Variants in CERS6 observed in about 807,000 individuals in gnomAD.
CERS6 encodes the protein LAG1 homolog, ceramide synthase 6.
A neutral mutation model predicts 56.8 loss-of-function variants in CERS6; 26 were observed. The observed-to-expected ratio is 0.46, with a 90% CI of 0.34 to 0.63. The LOEUF (loss-of-function observed/expected upper bound fraction) is 0.63. Among genes scored for constraint, CERS6 ranks in the 30% least tolerant of loss-of-function variants. The pLI, the probability that CERS6 is intolerant of heterozygous loss-of-function variation, is 0.01. For missense variants in CERS6, 415 were observed against 467.5 expected (o/e 0.89, Z 1.04); for synonymous variants, 164 against 173.3 (o/e 0.95, Z 0.42).
At chr2:168,531,950 A>G (rs1695176463) in intron 1 of CERS6, among the ~76,000 whole-genome samples, 1 of 152,210 alleles carries the variant, frequency 6.6e-6, no homozygotes, top group Non-Finnish European at 1.5e-5. Flanking sequence ...TTTGGGCTCC[A>G]TTGTGAGAGG....
rs1229084923 is a variant in CERS6 at position 168,770,538 on chromosome 2, G to A, written c.*876G>A. The stretch of plus-strand genomic sequence containing the variant: ...TGGGAATAACATAAAGAGAGCAACT[G>A]ATTTCAGCCAGGTTTTGCCACTACC... On this transcript the variant is annotated 3_prime_UTR_variant, in exon 10 of 10. Transcript: ENST00000305747. 3.3e-5 allele frequency: 5 copies of A among 152,622 alleles called. No individual in the cohort carries two copies. Among genetic ancestry groups the A allele is most frequent in the Admixed American group, 6.5e-5 (1 of 15,280 alleles). The allele number at this position is 152,622 out of a possible 1,614,324, so 9.5% of individuals were successfully genotyped here.
At chr2:168,731,705 A>G (rs1023230696) in intron 8 of CERS6, among the ~76,000 whole-genome samples, 2 of 152,134 alleles carry the variant, frequency 1.3e-5, no homozygotes, top group Admixed American at 6.5e-5. Flanking sequence ...TAAATTCTGC[A>G]TGAGGGACCT....
chr2:168,681,257 T>A (rs902210200), intron 4 of CERS6, among the ~76,000 whole-genome samples: 1 of 152,224 alleles, frequency 6.6e-6, no homozygotes, highest in Non-Finnish European at 1.5e-5. Flanking sequence ...TGTTATTTGC[T>A]CATCTTATTT....
intron 1 of CERS6, among the ~76,000 whole-genome samples, chr2:168,504,229 G>A (rs983420647): frequency 6.6e-6 from 1 of 152,034 alleles, no homozygotes; most frequent in African/African-American, 2.4e-5. Context: ...GGAAACACAG[G>A]GAGACCCCAT....
At chr2:168,746,791 A>ATG (rs1684112389) in intron 8 of CERS6, among the ~76,000 whole-genome samples, 1 of 89,850 alleles carries the variant, frequency 1.1e-5, no homozygotes, top group South Asian at 3.8e-4. Flanking sequence ...ATATATATAT[A>ATG]TATATATATA....
chr2:168,743,960 A>G (rs1684006671), intron 8 of CERS6, among the ~76,000 whole-genome samples: 1 of 138,232 alleles, frequency 7.2e-6, no homozygotes, highest in African/African-American at 2.7e-5. Context: ...ATTTTTAGGA[A>G]TTGTATTGTT....
At chr2:168,510,105 A>C (rs974558518) in intron 1 of CERS6, among the ~76,000 whole-genome samples, 4 of 152,114 alleles carry the variant, frequency 2.6e-5, no homozygotes, top group South Asian at 2.1e-4. Flanking sequence ...AAAAAAAAAA[A>C]AACCAAGTTA....
chr2:168,518,773 ATC>A (rs1413721013), intron 1 of CERS6, among the ~76,000 whole-genome samples: 2 of 152,122 alleles, frequency 1.3e-5, no homozygotes, highest in African/African-American at 2.4e-5. Context: ...TTGAAAATGG[ATC>A]TGTTTCTCTC....
At chr2:168,591,822 C>T (rs1427713797) in intron 3 of CERS6, among the ~76,000 whole-genome samples, 1 of 152,206 alleles carries the variant, frequency 6.6e-6, no homozygotes, top group Non-Finnish European at 1.5e-5. Flanking sequence ...CCTGGACCTT[C>T]TCAAACTTCG....
At chr2:168,713,030 T>A (rs944788564) in intron 6 of CERS6, among the ~76,000 whole-genome samples, 2 of 152,114 alleles carry the variant, frequency 1.3e-5, no homozygotes, top group African/African-American at 4.8e-5. Flanking sequence ...TACTTATATT[T>A]TTTGTCTGTT....
chr2:168,473,724 C>T (rs760032592), intron 1 of CERS6, among the ~76,000 whole-genome samples: 5 of 151,462 alleles, frequency 3.3e-5, no homozygotes, highest in South Asian at 2.1e-4. Flanking sequence ...TCCCCATACA[C>T]GAAAAAAATA....
chr2:168,551,125 A>AC (rs1017029790), intron 2 of CERS6, among the ~76,000 whole-genome samples: 65 of 152,278 alleles, frequency 4.3e-4, no homozygotes, highest in African/African-American at 1.5e-3. Context: ...AGGGTTTCCA[A>AC]CCCCAAATGT....
chr2:168,491,640 T>A lies in CERS6; in HGVS notation c.170+35022T>A, dbSNP rs111810312. On this transcript the variant is annotated intron_variant, in intron 1 of 9. Transcript: ENST00000305747. ...CAAGTTTTCTAGCTTCTCTTTTTTT[T>A]AAAAATTATACTTTAAGCTCTGGGA... Among the ~76,000 whole-genome samples, 960 of 152,276 alleles carry A rather than the reference T, an allele frequency of 6.3e-3. 11 individuals are homozygous for A. Among genetic ancestry groups the A allele is most frequent in the African/African-American group, 0.02 (833 of 41,548 alleles).
chr2:168,494,764 A>G (rs1004505357), intron 1 of CERS6, among the ~76,000 whole-genome samples: 1 of 152,140 alleles, frequency 6.6e-6, no homozygotes, highest in Admixed American at 6.5e-5. Flanking sequence ...TGTTAAAAGC[A>G]TGGAATATCG....
At chr2:168,473,783 T>G (rs1329674067) in intron 1 of CERS6, among the ~76,000 whole-genome samples, 1 of 152,238 alleles carries the variant, frequency 6.6e-6, no homozygotes, top group Non-Finnish European at 1.5e-5. Flanking sequence ...CTGTTTCTTC[T>G]ATCTCACTTT....
At chr2:168,541,766 A>G (rs574909437) in intron 1 of CERS6, among the ~76,000 whole-genome samples, 4 of 152,328 alleles carry the variant, frequency 2.6e-5, no homozygotes, top group South Asian at 4.1e-4. Flanking sequence ...CTTAGCTCCT[A>G]TCTGCATTCA....
intron 1 of CERS6, among the ~76,000 whole-genome samples, chr2:168,507,587 A>G (rs979919275): frequency 5.9e-5 from 9 of 152,154 alleles, no homozygotes; most frequent in Admixed American, 3.9e-4. Flanking sequence ...TCACCTGGTC[A>G]TGCTAGTGTA....
At chr2:168,687,496 G>C (rs1345130451) in intron 4 of CERS6, among the ~76,000 whole-genome samples, 1 of 152,156 alleles carries the variant, frequency 6.6e-6, no homozygotes, top group Non-Finnish European at 1.5e-5. Flanking sequence ...CATTTTAACA[G>C]TTGGTGAAGC....
intron 1 of CERS6, among the ~76,000 whole-genome samples, chr2:168,474,652 T>C (rs1694036364): frequency 6.6e-6 from 1 of 152,222 alleles, no homozygotes; most frequent in South Asian, 2.1e-4. Context: ...TGCCACTCTT[T>C]CTTTAAAGAA....
Sources: allele counts gnomAD v4.1 joint callset (sites outside exome capture counted in the v4.1 genomes callset), GRCh38; gene constraint gnomAD v4.1.1; transcripts MANE v1.5; gene names NCBI Gene and HGNC (gene_info 2026-07-23, HGNC 2026-07-21).